Variants in PRORP observed in about 807,000 individuals in gnomAD.
The protein encoded by PRORP is mitochondrial ribonuclease P catalytic subunit.
In PRORP, 51 loss-of-function variants were observed where a neutral mutation model predicts 59.4. That is an observed-to-expected ratio of 0.86 (90% CI 0.69 to 1.08). PRORP has a LOEUF of 1.08. PRORP is among the 50% of genes least tolerant of loss of function. The pLI, the probability that PRORP is intolerant of heterozygous loss-of-function variation, is 0.00. For missense variants in PRORP, 646 were observed against 690.3 expected (o/e 0.94, Z 0.72); for synonymous variants, 231 against 245.6 (o/e 0.94, Z 0.55).
chr14:35,152,966 G>A (rs540697198), intron 4 of PRORP, among the ~76,000 whole-genome samples: 10 of 152,114 alleles, frequency 6.6e-5, no homozygotes, highest in Non-Finnish European at 1.2e-4. Context: ...AGGCAGAGAC[G>A]CTCCTCACTT....
At chr14:35,145,127 C>T (rs963489872) in intron 4 of PRORP, among the ~76,000 whole-genome samples, 3 of 144,402 alleles carry the variant, frequency 2.1e-5, no homozygotes, top group Non-Finnish European at 4.6e-5. Context: ...CACACCACCA[C>T]GACCAGCTAA....
intron 5 of PRORP, among the ~76,000 whole-genome samples, chr14:35,205,162 T>C (rs2049258646): frequency 6.6e-6 from 1 of 152,108 alleles, no homozygotes; most frequent in Non-Finnish European, 1.5e-5. Flanking sequence ...TCTGCTCTAT[T>C]TTTTAAAAAA....
At chr14:35,143,681 CTT>C (rs1409098283) in intron 4 of PRORP, among the ~76,000 whole-genome samples, 1 of 144,742 alleles carries the variant, frequency 6.9e-6, no homozygotes, top group East Asian at 2.4e-4. Context: ...GAGTTTTGCT[CTT>C]GTTGCCTAGG....
At chr14:35,200,681 A>C (rs185021463) in intron 5 of PRORP, among the ~76,000 whole-genome samples, 64 of 151,762 alleles carry the variant, frequency 4.2e-4, no homozygotes, top group African/African-American at 1.4e-3. Flanking sequence ...TATATATAGT[A>C]GATTTTAAAG....
chr14:35,168,270 A>G (rs1048738542), intron 4 of PRORP, among the ~76,000 whole-genome samples: 1 of 152,164 alleles, frequency 6.6e-6, no homozygotes, highest in Admixed American at 6.5e-5. Flanking sequence ...CATACTTGTT[A>G]TGGGTCAGTC....
chr14:35,177,630 CTCTTTTCTTCTTTATTAGTCTT>C (rs1179794031), intron 4 of PRORP, among the ~76,000 whole-genome samples: 18 of 152,004 alleles, frequency 1.2e-4, no homozygotes, highest in African/African-American at 3.9e-4. Context: ...TGAGTCTTCT[CTCTTTTCTTCTTTATTAGTCTT>C]TCTAGCAGTC....
intron 5 of PRORP, among the ~76,000 whole-genome samples, chr14:35,199,445 C>A (rs747676399): frequency 6.6e-6 from 1 of 151,928 alleles, no homozygotes; most frequent in African/African-American, 2.4e-5. Flanking sequence ...AGAAGTGAGG[C>A]CTTTAGGAGG....
intron 5 of PRORP, among the ~76,000 whole-genome samples, chr14:35,221,314 C>A (rs928477769): frequency 6.6e-5 from 10 of 152,100 alleles, no homozygotes; most frequent in African/African-American, 2.4e-4. Flanking sequence ...CAAAAAAATC[C>A]ATGATGAATA....
intron 5 of PRORP, among the ~76,000 whole-genome samples, chr14:35,209,331 A>G (rs1311981828): frequency 6.6e-6 from 1 of 152,176 alleles, no homozygotes; most frequent in Non-Finnish European, 1.5e-5. Context: ...GCAGTTCTAG[A>G]CCTTCAAACA....
chr14:35,134,147 A>G (rs2047317640), intron 4 of PRORP, among the ~76,000 whole-genome samples: 1 of 152,164 alleles, frequency 6.6e-6, no homozygotes, highest in Admixed American at 6.5e-5. Flanking sequence ...TTAGAAGTCT[A>G]CCTGGTGTTC....
chr14:35,144,748 C>G (rs1289620204), intron 4 of PRORP, among the ~76,000 whole-genome samples: 1 of 145,868 alleles, frequency 6.9e-6, no homozygotes, highest in Admixed American at 7.1e-5. Flanking sequence ...ATAGTTTTAA[C>G]TTTGCAGATC....
At chr14:35,233,687 A>G (rs2050137677) in intron 5 of PRORP, among the ~76,000 whole-genome samples, 1 of 152,122 alleles carries the variant, frequency 6.6e-6, no homozygotes, top group Admixed American at 6.6e-5. Context: ...GTCTTTGAGT[A>G]GTTCTCTAAT....
chr14:35,236,470 G>A (rs1298573131), intron 5 of PRORP, among the ~76,000 whole-genome samples: 2 of 152,154 alleles, frequency 1.3e-5, no homozygotes, highest in Non-Finnish European at 2.9e-5. Context: ...GCCCACTGAA[G>A]TCTGGCTTAG....
chr14:35,158,804 C>A, intron 4 of PRORP: 2 of 335,164 alleles, frequency 6.0e-6, no homozygotes, highest in South Asian at 3.0e-5. Flanking sequence ...TTGGATTGTT[C>A]CTCCTGTACA....
chr14:35,268,667 C>T (rs112836106), intron 6 of PRORP, among the ~76,000 whole-genome samples: 8,777 of 152,242 alleles, frequency 0.058, 333 homozygotes, highest in Middle Eastern at 0.11. Flanking sequence ...ACAATCTTTG[C>T]TCATGGCAAC....
intron 5 of PRORP, among the ~76,000 whole-genome samples, chr14:35,184,887 T>C (rs1409659483): frequency 6.6e-6 from 1 of 152,216 alleles, no homozygotes; most frequent in African/African-American, 2.4e-5. Flanking sequence ...TACTCCATGT[T>C]GTATATGTGC....
intron 4 of PRORP, among the ~76,000 whole-genome samples, chr14:35,174,477 T>C (rs2048394680): frequency 6.6e-6 from 1 of 152,202 alleles, no homozygotes; most frequent in Non-Finnish European, 1.5e-5. Context: ...TTTTTTGTTC[T>C]GTTTTGTTTT....
intron 4 of PRORP, among the ~76,000 whole-genome samples, chr14:35,153,040 G>A (rs557810684): frequency 7.2e-5 from 11 of 152,360 alleles, no homozygotes; most frequent in African/African-American, 2.6e-4. Flanking sequence ...CAAGGCAGGC[G>A]GCTGGGAGGT....
At position 35,127,552 on chromosome 14, in the gene PRORP, G is replaced by A; in HGVS notation, c.1108G>A (p.Gly370Arg). ...TCCAGAAGAATATGAATGTCTTAAG[G>A]GAAAAATCATGAGGGATGTGATAGA... ...LSPEEYECLK[G>R]KIMRDVIDGG... The change falls in exon 4 of 8, where the codon GGA becomes AGA. Residue 370 changes from glycine to arginine, a missense_variant. Coordinates refer to ENST00000534898, the MANE Select transcript of PRORP (RefSeq NM_014672.4). 6.2e-7 allele frequency: 1 copy of A among 1,613,910 alleles called. No individual in the cohort carries two copies. The highest frequency in any genetic ancestry group is 8.5e-7 in the Non-Finnish European group (1 of 1,179,914).
Sources: allele counts gnomAD v4.1 joint callset (sites outside exome capture counted in the v4.1 genomes callset), GRCh38; gene constraint gnomAD v4.1.1; transcripts MANE v1.5; gene names NCBI Gene and HGNC (gene_info 2026-07-23, HGNC 2026-07-21).